RBFOX1: variants seen among roughly 807,000 people sequenced by gnomAD.
The protein encoded by RBFOX1 is RNA binding fox-1 homolog 1, also known as RNA binding protein fox-1 homolog 1.
RBFOX1 carries 8 observed loss-of-function variants against 57.7 expected under a neutral mutation model. That is an observed-to-expected ratio of 0.14 (90% CI 0.08 to 0.25). RBFOX1 has a LOEUF of 0.25. Among genes scored for constraint, RBFOX1 ranks in the 10% least tolerant of loss-of-function variants. RBFOX1 has a pLI of 1.00. For synonymous variants in RBFOX1, 326 were observed against 222.4 expected, an observed-to-expected ratio of 1.47 and a Z score of -4.15; for missense variants, 611 against 548.5, an observed-to-expected ratio of 1.11 and a Z score of -1.14.
chr16:7,489,534 G>T (rs1459941678), intron 4 of RBFOX1, among the ~76,000 whole-genome samples: 5 of 151,574 alleles, frequency 3.3e-5, no homozygotes, highest in Non-Finnish European at 7.4e-5. Context: ...TTGAGATAGA[G>T]TCTTGCTCTG....
intron 1 of RBFOX1, among the ~76,000 whole-genome samples, chr16:5,371,777 TG>T (rs1357710813): frequency 6.9e-4 from 105 of 152,274 alleles, no homozygotes; most frequent in Non-Finnish European, 3.7e-4. Flanking sequence ...ACCTTGGCCC[TG>T]GGTTGCACCT....
intron 4 of RBFOX1, among the ~76,000 whole-genome samples, chr16:7,096,991 T>C (rs547507438): frequency 4.2e-4 from 61 of 145,714 alleles, no homozygotes; most frequent in African/African-American, 1.2e-3. Flanking sequence ...CCAGGAAATA[T>C]TAAAGAGCTG....
intron 4 of RBFOX1, among the ~76,000 whole-genome samples, chr16:7,198,645 G>C (rs770131410): frequency 6.6e-6 from 1 of 152,274 alleles, no homozygotes; most frequent in Admixed American, 6.5e-5. Flanking sequence ...CCATCACATG[G>C]TGGAAGGGCA....
intron 4 of RBFOX1, among the ~76,000 whole-genome samples, chr16:7,444,771 A>T (rs1168316761): frequency 2.0e-5 from 3 of 152,140 alleles, no homozygotes; most frequent in Non-Finnish European, 4.4e-5. Flanking sequence ...GGCTCAAGTG[A>T]TCCTCCCACC....
chr16:6,302,181 G>A (rs537362564), intron 1 of RBFOX1, among the ~76,000 whole-genome samples: 14 of 152,010 alleles, frequency 9.2e-5, no homozygotes, highest in African/African-American at 3.1e-4. Context: ...GGATGAGGTG[G>A]CATATTAGAT....
intron 3 of RBFOX1, among the ~76,000 whole-genome samples, chr16:6,895,049 G>A (rs974761546): frequency 6.6e-6 from 1 of 152,108 alleles, no homozygotes; most frequent in Non-Finnish European, 1.5e-5. Flanking sequence ...TCAAATGCTG[G>A]CTGTAGATAA....
chr16:5,831,099 C>T (rs535221928), intron 3 of RBFOX1, among the ~76,000 whole-genome samples: 31 of 152,302 alleles, frequency 2.0e-4, no homozygotes, highest in African/African-American at 7.0e-4. Flanking sequence ...GTACGTGCCA[C>T]AGAGTAGGCA....
chr16:5,378,713 C>G (rs1479479292), intron 1 of RBFOX1, among the ~76,000 whole-genome samples: 1 of 151,460 alleles, frequency 6.6e-6, no homozygotes, highest in East Asian at 1.9e-4. Flanking sequence ...CTCGGATATT[C>G]CCATGACTTA....
At chr16:6,821,787 G>A (rs2091352197) in intron 3 of RBFOX1, among the ~76,000 whole-genome samples, 1 of 152,142 alleles carries the variant, frequency 6.6e-6, no homozygotes, top group Non-Finnish European at 1.5e-5. Context: ...AGACATTTGG[G>A]TTGTTTCCAT....
intron 2 of RBFOX1, among the ~76,000 whole-genome samples, chr16:6,375,973 G>C (rs1299919336): frequency 6.6e-6 from 1 of 152,118 alleles, no homozygotes; most frequent in South Asian, 2.1e-4. Flanking sequence ...TCACCCTGCT[G>C]CCTCCAGCTC....
intron 3 of RBFOX1, among the ~76,000 whole-genome samples, chr16:6,785,290 A>T (rs1279104148): frequency 1.3e-5 from 2 of 152,160 alleles, no homozygotes; most frequent in Non-Finnish European, 2.9e-5. Context: ...AACACCATGG[A>T]TGGTGGGCCA....
At chr16:6,192,390 T>C (rs2097147515) in intron 1 of RBFOX1, among the ~76,000 whole-genome samples, 1 of 152,152 alleles carries the variant, frequency 6.6e-6, no homozygotes, top group Admixed American at 6.5e-5. Context: ...AATGTCATTC[T>C]TAGTTCTAGT....
At chr16:5,823,330 C>T (rs191153443) in intron 3 of RBFOX1, among the ~76,000 whole-genome samples, 1 of 152,236 alleles carries the variant, frequency 6.6e-6, no homozygotes, top group African/African-American at 2.4e-5. Flanking sequence ...TACCAGATGG[C>T]AAGTACATAA....
chr16:7,013,097 C>G (rs2093729071), intron 3 of RBFOX1, among the ~76,000 whole-genome samples: 2 of 152,108 alleles, frequency 1.3e-5, no homozygotes, highest in Admixed American at 6.5e-5. Flanking sequence ...GTTATCTTCT[C>G]AAAAGTCCCA....
chr16:5,862,929 G>C (rs941296541), intron 3 of RBFOX1, among the ~76,000 whole-genome samples: 1 of 152,144 alleles, frequency 6.6e-6, no homozygotes, highest in Non-Finnish European at 1.5e-5. Context: ...GCTGTGACTG[G>C]ACAGTGATCT....
At chr16:5,748,374 G>C (rs1347508801) in intron 3 of RBFOX1, among the ~76,000 whole-genome samples, 2 of 152,174 alleles carry the variant, frequency 1.3e-5, no homozygotes, top group African/African-American at 4.8e-5. Flanking sequence ...GGAGAGTTCT[G>C]TAGATGTCTA....
intron 4 of RBFOX1, among the ~76,000 whole-genome samples, chr16:7,231,238 G>T (rs1671437129): frequency 6.6e-6 from 1 of 152,176 alleles, no homozygotes; most frequent in Admixed American, 6.5e-5. Context: ...TTTGTTTTCT[G>T]GTAGCTGGGC....
intron 14 of RBFOX1, among the ~76,000 whole-genome samples, chr16:7,701,961 C>G (rs1201675415): frequency 2.0e-5 from 3 of 152,174 alleles, no homozygotes; most frequent in African/African-American, 7.2e-5. Flanking sequence ...TCTGGAAACC[C>G]TCTCAAATCT....
chr16:5,821,548 C>A (rs1291131003), intron 3 of RBFOX1, among the ~76,000 whole-genome samples: 1 of 152,158 alleles, frequency 6.6e-6, no homozygotes, highest in Non-Finnish European at 1.5e-5. Flanking sequence ...AGTGATCCTC[C>A]TGCTTTGGCC....
Sources: allele counts gnomAD v4.1 joint callset (sites outside exome capture counted in the v4.1 genomes callset), GRCh38; gene constraint gnomAD v4.1.1; transcripts MANE v1.5; gene names NCBI Gene and HGNC (gene_info 2026-07-23, HGNC 2026-07-21).